PARVA: variants seen among roughly 807,000 people sequenced by gnomAD.
The protein encoded by PARVA is parvin alpha.
In PARVA, 25 loss-of-function variants were observed where a neutral mutation model predicts 52.6. The observed-to-expected ratio is 0.48, with a 90% CI of 0.35 to 0.66. The LOEUF (loss-of-function observed/expected upper bound fraction) is 0.66, where lower values mean the gene tolerates loss of function less well. Among genes scored for constraint, PARVA ranks in the 30% least tolerant of loss-of-function variants. The pLI is 0.01. For missense variants in PARVA, 373 were observed against 450.9 expected, an observed-to-expected ratio of 0.83 and a Z score of 1.56; for synonymous variants, 185 against 179.1, an observed-to-expected ratio of 1.03 and a Z score of -0.26.
At chr11:12,405,248 G>C (rs1214641384) in intron 1 of PARVA, among the ~76,000 whole-genome samples, 2 of 152,198 alleles carry the variant, frequency 1.3e-5, no homozygotes, top group East Asian at 3.9e-4. Flanking sequence ...AGATGGTAAA[G>C]AAGCATGCTG....
chr11:12,488,123 C>T (rs1941186123), intron 4 of PARVA, among the ~76,000 whole-genome samples: 1 of 152,064 alleles, frequency 6.6e-6, no homozygotes, highest in African/African-American at 2.4e-5. Flanking sequence ...ATAAAGACCA[C>T]TAAATAAAAC....
At chr11:12,456,359 G>A (rs1201464118) in intron 1 of PARVA, among the ~76,000 whole-genome samples, 1 of 152,110 alleles carries the variant, frequency 6.6e-6, no homozygotes, top group Non-Finnish European at 1.5e-5. Context: ...AATAGTCAGA[G>A]CTGGGATTAA....
At chr11:12,412,839 G>A (rs77541219) in intron 1 of PARVA, among the ~76,000 whole-genome samples, 6,712 of 152,168 alleles carry the variant, frequency 0.044, 482 homozygotes, top group African/African-American at 0.15. Flanking sequence ...TCCTTGGATC[G>A]CAAACTCTTA....
At chr11:12,437,516 G>C (rs1589956824) in intron 1 of PARVA, among the ~76,000 whole-genome samples, 1 of 152,354 alleles carries the variant, frequency 6.6e-6, no homozygotes, top group South Asian at 2.1e-4. Flanking sequence ...AGCTCTGTGA[G>C]TAAAGACTAT....
At chr11:12,387,701 G>A (rs1939592797) in intron 1 of PARVA, among the ~76,000 whole-genome samples, 1 of 142,104 alleles carries the variant, frequency 7.0e-6, no homozygotes, top group Non-Finnish European at 1.5e-5. Context: ...GAGTCCATGG[G>A]CACTGATTTC....
chr11:12,522,297 C>A (rs143989025), intron 12 of PARVA, among the ~76,000 whole-genome samples: 56 of 152,164 alleles, frequency 3.7e-4, no homozygotes, highest in African/African-American at 1.3e-3. Flanking sequence ...TTACTGTAGC[C>A]TGAAGAGATC....
At chr11:12,504,774 G>GGTGTGTGTGT (rs58878351) in intron 6 of PARVA, among the ~76,000 whole-genome samples, 73,610 of 149,092 alleles carry the variant, frequency 0.49, 19,704 homozygotes, top group East Asian at 0.74. Flanking sequence ...AAGGTATGTG[G>GGTGTGTGTGT]GTGTGTGTGT....
At chr11:12,508,376 A>G (rs1941462508) in intron 6 of PARVA, among the ~76,000 whole-genome samples, 2 of 152,252 alleles carry the variant, frequency 1.3e-5, no homozygotes, top group South Asian at 4.1e-4. Flanking sequence ...TGTTTGGACT[A>G]AACACTAATT....
At chr11:12,425,873 C>T (rs1456874718) in intron 1 of PARVA, among the ~76,000 whole-genome samples, 1 of 152,238 alleles carries the variant, frequency 6.6e-6, no homozygotes, top group African/African-American at 2.4e-5. Flanking sequence ...CCAGTAAAAT[C>T]TGTGGCCAAG....
At chr11:12,508,552 C>T (rs1232250354) in intron 6 of PARVA, 32 bp from the exon 7 acceptor site, 2 of 1,517,226 alleles carry the variant, frequency 1.3e-6, no homozygotes, top group Non-Finnish European at 1.8e-6. Flanking sequence ...TTTCTCTTCT[C>T]CTCCCAACCC....
At chr11:12,402,848 C>A (rs1939848770) in intron 1 of PARVA, among the ~76,000 whole-genome samples, 1 of 152,206 alleles carries the variant, frequency 6.6e-6, no homozygotes, top group Admixed American at 6.5e-5. Context: ...ATGCCTTTCT[C>A]ATTTTCGTAC....
At chr11:12,415,214 C>A (rs1940049514) in intron 1 of PARVA, among the ~76,000 whole-genome samples, 1 of 152,132 alleles carries the variant, frequency 6.6e-6, no homozygotes, top group African/African-American at 2.4e-5. Flanking sequence ...CTGTGAATAC[C>A]CCCAAAAGAC....
intron 6 of PARVA, among the ~76,000 whole-genome samples, chr11:12,507,136 T>C (rs1564865502): frequency 6.6e-6 from 1 of 152,182 alleles, no homozygotes; most frequent in African/African-American, 2.4e-5. Flanking sequence ...CTTGGTCTTA[T>C]CCAGTTCTTC....
chr11:12,406,661 GTTTTTTTTTTTTTTT>G (rs571973101), intron 1 of PARVA, among the ~76,000 whole-genome samples: 24 of 77,800 alleles, frequency 3.1e-4, no homozygotes, highest in Non-Finnish European at 4.5e-4. Flanking sequence ...GGTTGTATCT[GTTTTTTTTTTTTTTT>G]TTTTTTTTTT....
At chr11:12,406,403 C>T (rs1939906996) in intron 1 of PARVA, among the ~76,000 whole-genome samples, 1 of 152,186 alleles carries the variant, frequency 6.6e-6, no homozygotes, top group Admixed American at 6.5e-5. Flanking sequence ...TTCAGAGCAA[C>T]ATCTAGATTA....
intron 1 of PARVA, among the ~76,000 whole-genome samples, chr11:12,450,509 T>C (rs1432267414): frequency 6.6e-6 from 1 of 152,166 alleles, no homozygotes. Context: ...CCTCAGGGTG[T>C]TGGATGCCCA....
intron 4 of PARVA, 94 bp downstream of exon 4, chr11:12,478,043 T>A: frequency 1.3e-6 from 1 of 789,922 alleles, no homozygotes; most frequent in Non-Finnish European, 2.3e-6. Flanking sequence ...CAGTTTACAG[T>A]GGCTTACCTG....
intron 1 of PARVA, among the ~76,000 whole-genome samples, chr11:12,405,648 T>C (rs556962459): frequency 2.0e-5 from 3 of 152,324 alleles, no homozygotes; most frequent in African/African-American, 7.2e-5. Context: ...ATTGTTCATA[T>C]ATCTAATATT....
chr11:12,478,397 C>T (rs1015574168), intron 4 of PARVA: 14 of 282,364 alleles, frequency 5.0e-5, no homozygotes, highest in African/African-American at 2.8e-4. Flanking sequence ...TGTATTCCTC[C>T]CTGGGTCACT....
Sources: allele counts gnomAD v4.1 joint callset (sites outside exome capture counted in the v4.1 genomes callset), GRCh38; gene constraint gnomAD v4.1.1; transcripts MANE v1.5; gene names NCBI Gene and HGNC (gene_info 2026-07-23, HGNC 2026-07-21).